Variants in G3BP2 observed in about 807,000 individuals in gnomAD.
G3BP2 encodes ras GTPase-activating protein-binding protein 2.
A neutral mutation model predicts 56.7 loss-of-function variants in G3BP2; 11 were observed. The ratio of observed to expected loss-of-function variants is 0.19; its 90% CI spans 0.12 to 0.32. The LOEUF is 0.32. G3BP2 is among the 10% of genes least tolerant of loss of function. The probability of loss-of-function intolerance (pLI) is 1.00; values close to 1 mark genes in which losing one functional copy is unlikely to be tolerated. For missense variants in G3BP2, 340 were observed against 610.9 expected, an observed-to-expected ratio of 0.56 and a Z score of 4.67; for synonymous variants, 165 against 191.6, an observed-to-expected ratio of 0.86 and a Z score of 1.15.
At chr4:75,720,794 T>G (rs1271884354) in intron 3 of G3BP2, among the ~76,000 whole-genome samples, 1 of 99,746 alleles carries the variant, frequency 1.0e-5, no homozygotes, top group African/African-American at 3.5e-5. Flanking sequence ...AGGCTCCATC[T>G]CAAAATAAAT....
intron 3 of G3BP2, among the ~76,000 whole-genome samples, chr4:75,701,780 C>T (rs1719354695): frequency 6.6e-6 from 1 of 152,174 alleles, no homozygotes; most frequent in African/African-American, 2.4e-5. Flanking sequence ...AACACAAATA[C>T]TGATACAATT....
chr4:75,655,325 G>T (rs1004655234), intron 6 of G3BP2, 79 bp from the exon 7 acceptor site: 6 of 995,020 alleles, frequency 6.0e-6, no homozygotes, highest in African/African-American at 1.6e-5. Context: ...TCCAATGGGT[G>T]TAACTAGTTA....
chr4:75,662,592 C>T (rs1264669870), intron 1 of G3BP2: 1 of 152,250 alleles, frequency 6.6e-6, no homozygotes, highest in Non-Finnish European at 1.5e-5. Flanking sequence ...AAGCAACTTA[C>T]AACAAATAGC....
intron 2 of G3BP2, among the ~76,000 whole-genome samples, chr4:75,661,023 T>C (rs1354200194): frequency 6.6e-6 from 1 of 152,212 alleles, no homozygotes; most frequent in Non-Finnish European, 1.5e-5. Context: ...TTTCACAGTA[T>C]AATCATTTAA....
At chr4:75,708,744 G>A (rs1041813898) in intron 3 of G3BP2, among the ~76,000 whole-genome samples, 7 of 152,194 alleles carry the variant, frequency 4.6e-5, no homozygotes, top group Non-Finnish European at 7.3e-5. Flanking sequence ...GCCAAGGCAG[G>A]AGGATCGCTT....
intron 1 of G3BP2, among the ~76,000 whole-genome samples, chr4:75,664,031 G>A (rs1483320930): frequency 3.3e-5 from 5 of 150,512 alleles, no homozygotes; most frequent in African/African-American, 1.2e-4. Context: ...CTACAGGCAC[G>A]TGTCACCACA....
At chr4:75,704,465 G>C (rs1444621406) in intron 3 of G3BP2, among the ~76,000 whole-genome samples, 1 of 151,176 alleles carries the variant, frequency 6.6e-6, no homozygotes, top group Non-Finnish European at 1.5e-5. Context: ...CCACAGGCTT[G>C]AGCCACCATG....
At chr4:75,669,686 C>T (rs192776848) in intron 1 of G3BP2, among the ~76,000 whole-genome samples, 5 of 152,342 alleles carry the variant, frequency 3.3e-5, no homozygotes, top group Admixed American at 2.6e-4. Flanking sequence ...TCACTCTCTG[C>T]GCCTTTGTCT....
chr4:75,721,071 G>T (rs1720157866), intron 2 of G3BP2, among the ~76,000 whole-genome samples: 1 of 151,514 alleles, frequency 6.6e-6, no homozygotes, highest in South Asian at 2.1e-4. Flanking sequence ...CTTGAACCCA[G>T]GAGTTCCAGG....
intron 3 of G3BP2, among the ~76,000 whole-genome samples, chr4:75,692,502 C>T (rs761602394): frequency 3.3e-5 from 5 of 151,952 alleles, no homozygotes; most frequent in African/African-American, 7.3e-5. Flanking sequence ...AGTAGAGACG[C>T]GGTTTCACCA....
At chr4:75,716,217 T>C (rs1224615651) in intron 3 of G3BP2, among the ~76,000 whole-genome samples, 1 of 152,216 alleles carries the variant, frequency 6.6e-6, no homozygotes, top group African/African-American at 2.4e-5. Context: ...TCACTCAGGC[T>C]GGAGTGCAGT....
rs1560604250 is a variant in G3BP2 at position 75,642,807 on chromosome 4, A to C, written c.*2623T>G. The C allele has an allele frequency of 6.6e-6, 1 of 152,624 alleles. No individual in the cohort carries two copies. Among genetic ancestry groups the C allele is most frequent in the Admixed American group, 6.5e-5 (1 of 15,290 alleles). 9.5% of individuals were successfully genotyped at this position (152,624 alleles called of 1,614,324 possible). On this transcript the variant is annotated 3_prime_UTR_variant, in exon 12 of 12. Transcript: ENST00000359707. ...TAAATGCTGCAGACATCAGTAGTTT[A>C]TTGTTTGTTTAGTCCAAACACATTC...
chr4:75,661,632 T>C, intron 2 of G3BP2: 1 of 199,058 alleles, frequency 5.0e-6, no homozygotes, highest in South Asian at 9.1e-5. Context: ...CACTCCACCC[T>C]GAGTGACAGA....
upstream of G3BP2, among the ~76,000 whole-genome samples, chr4:75,675,013 G>T (rs1733812466): frequency 6.6e-6 from 1 of 151,916 alleles, no homozygotes; most frequent in Admixed American, 6.6e-5. Flanking sequence ...GTGAGCCACC[G>T]CACCCGGCCA....
chr4:75,655,532 T>C (rs1271646471), intron 6 of G3BP2, among the ~76,000 whole-genome samples: 1 of 152,248 alleles, frequency 6.6e-6, no homozygotes, highest in Non-Finnish European at 1.5e-5. Context: ...CTCTGTGTTG[T>C]CTTCAACACT....
chr4:75,684,574 G>A (rs1038483478), intron 3 of G3BP2, among the ~76,000 whole-genome samples: 1 of 152,096 alleles, frequency 6.6e-6, no homozygotes, highest in South Asian at 2.1e-4. Context: ...TGCCCAGGCT[G>A]GAGTGCAGTG....
rs550436011 is a variant in G3BP2 at position 75,645,425 on chromosome 4, G to A, written c.*5C>T. The A allele has an allele frequency of 1.1e-5, 17 of 1,609,834 alleles. No individual in the cohort carries two copies. In the South Asian group the frequency reaches 1.6e-4, roughly 16 times the overall value. On this transcript the variant is annotated 3_prime_UTR_variant, in exon 12 of 12. Transcript: ENST00000359707. ...CACTGCCAAGACTTTGCCAACAGTG[G>A]AGCTTCAGCGACGCTGTCCTGTGAA...
At chr4:75,654,938 A>G in intron 7 of G3BP2, 128 bp downstream of exon 7, 1 of 665,236 alleles carries the variant, frequency 1.5e-6, no homozygotes, top group Non-Finnish European at 2.5e-6. Context: ...AACAAACCCC[A>G]CAGCTTCTTT....
chr4:75,700,523 T>A (rs78805110), intron 3 of G3BP2, among the ~76,000 whole-genome samples: 1 of 102,270 alleles, frequency 9.8e-6, no homozygotes, highest in Non-Finnish European at 2.0e-5. Context: ...CAGGATCAAG[T>A]GATTCTCCTG....
Sources: gnomAD v4.1 joint callset for allele counts (sites outside exome capture counted in the v4.1 genomes callset) on GRCh38, gnomAD v4.1.1 for gene constraint, MANE v1.5 for transcripts, NCBI Gene and HGNC (gene_info 2026-07-23, HGNC 2026-07-21) for gene names.